The following EPS8L2 variants were observed in gnomAD, a reference collection of about 807,000 sequenced individuals.
EPS8L2 encodes the protein EPS8 signaling adaptor L2.
Under a neutral mutation model 99.4 loss-of-function variants are expected in EPS8L2, and 81 were observed. The observed-to-expected ratio is 0.82, with a 90% CI of 0.68 to 0.98. The LOEUF (loss-of-function observed/expected upper bound fraction) is 0.98, where lower values mean the gene tolerates loss of function less well. EPS8L2 is among the 50% of genes least tolerant of loss of function. The probability of loss-of-function intolerance (pLI) is 0.00; values close to 1 mark genes in which losing one functional copy is unlikely to be tolerated. For missense variants in EPS8L2, 1,155 were observed against 968.8 expected (o/e 1.19, Z -2.55); for synonymous variants, 509 against 407.3 (o/e 1.25, Z -3.01).
At position 722,473 on chromosome 11, in the gene EPS8L2, G is replaced by A. The variant is rs1564977750; in HGVS notation, c.1132G>A (p.Asp378Asn). Residue 378 changes from aspartate to asparagine, a missense_variant, in exon 13 of 21, where the codon GAC becomes AAC. Coordinates refer to ENST00000318562, the MANE Select transcript of EPS8L2 (RefSeq NM_022772.4). ...CCCACTGCTCTCCCGAGATGCCGTG[G>A]ACTTCCTGCGCGGCCACCTGGTCCC... Reference protein sequence around the residue: ...SCPLLSRDAVDFLRGHLVPKE... With the variant: ...SCPLLSRDAVNFLRGHLVPKE... The A allele has an allele frequency of 2.5e-6, 4 of 1,613,514 alleles. No individual in the cohort carries two copies. Among genetic ancestry groups the A allele is most frequent in the Non-Finnish European group, 2.5e-6 (3 of 1,179,928 alleles).
Position 724,877 on chromosome 11 carries a change from T to G in EPS8L2, c.1560+48T>G. 7.0e-7 allele frequency: 1 copy of G among 1,435,888 alleles called. No individual in the cohort carries two copies. Among genetic ancestry groups the G allele is most frequent in the Admixed American group, 1.7e-5 (1 of 58,722 alleles). 88.9% of individuals were successfully genotyped at this position (1,435,888 alleles called of 1,614,324 possible). The stretch of plus-strand genomic sequence containing the variant: ...CCAAGAGGGGGAAACAGGGCAGGGC[T>G]TCAAGGGAGGGGCTACCAGGGGAGG... On this transcript the variant is annotated intron_variant, in intron 16 of 20. Transcript: ENST00000318562. The surrounding 1 kb of genome is among the most constrained non-coding windows in gnomAD (Gnocchi z 5.5).
chr11:725,317 C>A (rs1862284652), intron 16 of EPS8L2, among the ~76,000 whole-genome samples: 1 of 152,218 alleles, frequency 6.6e-6, no homozygotes, highest in Non-Finnish European at 1.5e-5. Flanking sequence ...TCGAGACAAG[C>A]CTGGGCAACA....
chr11:726,025 T>A, intron 17 of EPS8L2, 73 bp from the exon 18 acceptor site: 1 of 1,005,484 alleles, frequency 9.9e-7, no homozygotes, highest in Non-Finnish European at 1.4e-6. Flanking sequence ...ATTGGCGGGG[T>A]GGGGAGGTCC....
Position 709,439 on chromosome 11 carries a change from C to T in EPS8L2, c.32C>T (p.Pro11Leu), listed in dbSNP as rs772212389. The T allele has an allele frequency of 1.1e-5, 17 of 1,597,118 alleles. No homozygotes were observed. In the East Asian group the frequency reaches 1.1e-4, roughly 11 times the overall value. Residue 11 changes from proline to leucine, a missense_variant, in exon 2 of 21, where the codon CCG (proline) becomes CTG (leucine). Pro to Leu is a moderately conservative substitution (Grantham distance 98). Coordinates refer to ENST00000318562, the MANE Select transcript of EPS8L2 (RefSeq NM_022772.4). ...CAGTCCGGGGCCGTGAGCTGCTGCC[C>T]GGGTGCCACCAAGTGAGCCCTCCCA... MSQSGAVSCC[P>L]GATNGSLGRS...
chr11:721,033 C>A, intron 7 of EPS8L2, 31 bp from the exon 8 acceptor site: 1 of 1,235,804 alleles, frequency 8.1e-7, no homozygotes, highest in South Asian at 1.7e-5. Flanking sequence ...GCGTTCCCGG[C>A]GGGGCTGAGC....
intron 18 of EPS8L2, 47 bp downstream of exon 18, chr11:726,217 T>C (rs760780543): frequency 6.5e-7 from 1 of 1,549,232 alleles, no homozygotes; most frequent in Admixed American, 1.9e-5. Context: ...CAGGGCCACC[T>C]GGGGGAGGAA....
At chr11:715,689 T>C (rs1182777458) in intron 4 of EPS8L2, among the ~76,000 whole-genome samples, 5 of 148,558 alleles carry the variant, frequency 3.4e-5, no homozygotes, top group East Asian at 4.0e-4. Context: ...GGCACGATCT[T>C]GATTCACTGC....
Position 724,503 on chromosome 11 carries a change from C to T in EPS8L2, c.1455-221C>T, listed in dbSNP as rs1007663571. The T allele has an allele frequency of 2.8e-5, 16 of 574,112 alleles. No homozygotes were observed. The Admixed American group carries it at 4.8e-4, about 17-fold the overall frequency. The allele number at this position is 574,112 out of a possible 1,614,324, so 35.6% of individuals were successfully genotyped here. On this transcript the variant is annotated intron_variant, in intron 15 of 20. Transcript: ENST00000318562. This position sits in a 1 kb window ranked among gnomAD's most constrained non-coding sequence, Gnocchi z 5.5. ...ACCACAGGCCCCTGCGCCACGCCCA[C>T]CTCCTGCCTGCCCCGCCTCCACGCA...
At position 725,857 on chromosome 11, in the gene EPS8L2, C is replaced by A; in HGVS notation, c.1680+10C>A. 1 of 1,369,976 alleles carries A rather than the reference C, an allele frequency of 7.3e-7. No homozygotes were observed. Among genetic ancestry groups the A allele is most frequent in the Non-Finnish European group, 9.4e-7 (1 of 1,067,788 alleles). The allele number at this position is 1,369,976 out of a possible 1,614,324, so 84.9% of individuals were successfully genotyped here. On this transcript the variant is annotated intron_variant, in intron 17 of 20. Coordinates refer to ENST00000318562, the MANE Select transcript of EPS8L2 (RefSeq NM_022772.4). ...CGCCCCGTTCGAGCAGGTGAGCCCG[C>A]GGGGGTCCCTGGGGTCGCAGCCCCC...
At chr11:721,257 G>C (rs1432959779) in intron 8 of EPS8L2, 28 bp from the exon 9 acceptor site, 1 of 1,538,380 alleles carries the variant, frequency 6.5e-7, no homozygotes, top group Admixed American at 2.0e-5. Flanking sequence ...TGGGGGGCTC[G>C]GTGAGCAGCC....
In EPS8L2 at chr11:721,103, G is replaced by T; in HGVS notation, c.597G>T (p.Leu199=). Reference sequence around the variant, plus strand: ...AGATTCGGCAGCGGCAGTCCATCCTGCCTCCTCCCCAGGGCCCGGCGCCCA... The same window carrying T: ...AGATTCGGCAGCGGCAGTCCATCCTTCCTCCTCCCCAGGGCCCGGCGCCCA... ...QEKIRQRQSI[L]PPPQGPAPIP... is the part of the protein sequence containing the mutation. Residue 199 remains leucine (L), a synonymous_variant, in exon 8 of 21, where the codon CTG becomes CTT. Transcript: ENST00000318562. The T allele has an allele frequency of 6.5e-7, 1 of 1,529,338 alleles. No homozygotes were observed. 94.7% of individuals were successfully genotyped at this position (1,529,338 alleles called of 1,614,324 possible). A position where few individuals can be genotyped will look rare whatever the true frequency, so the allele number is the denominator to read the frequency against.
intron 4 of EPS8L2, among the ~76,000 whole-genome samples, chr11:717,866 G>A (rs1048283236): frequency 3.1e-4 from 47 of 151,856 alleles, no homozygotes; most frequent in African/African-American, 1.1e-3. Flanking sequence ...AAAATTAGCC[G>A]GGCGTGGTGG....
intron 1 of EPS8L2, among the ~76,000 whole-genome samples, chr11:707,922 C>A (rs762949042): frequency 6.6e-6 from 1 of 152,164 alleles, no homozygotes; most frequent in Non-Finnish European, 1.5e-5. Flanking sequence ...CACTCAGGCT[C>A]GCCACTGAGC....
Position 724,929 on chromosome 11 carries a change from G to C in EPS8L2, c.1560+100G>C. ...GGGGAGCGGTCTAGGGCCAGGCTGG[G>C]TGATGCCAGGACGGGGCACAGCTGC... On this transcript the variant is annotated intron_variant, in intron 16 of 20. Transcript: ENST00000318562. The surrounding 1 kb of genome is among the most constrained non-coding windows in gnomAD (Gnocchi z 5.5). The C allele has an allele frequency of 2.3e-6, 2 of 859,570 alleles. No individual in the cohort carries two copies. The highest frequency in any genetic ancestry group is 2.9e-5 in the South Asian group (2 of 69,682). The allele number at this position is 859,570 out of a possible 1,614,324, so 53.2% of individuals were successfully genotyped here.
chr11:710,036 T>C (rs1861842998), intron 3 of EPS8L2: 1 of 343,412 alleles, frequency 2.9e-6, no homozygotes. Context: ...AGGTGCCTAG[T>C]CTGGAAAGCG....
intron 4 of EPS8L2, among the ~76,000 whole-genome samples, chr11:712,159 G>A (rs1174393590): frequency 6.6e-6 from 1 of 150,890 alleles, no homozygotes; most frequent in Non-Finnish European, 1.5e-5. Flanking sequence ...GGTGGTGGGA[G>A]CCTGTAGTCC....
At position 720,893 on chromosome 11, in the gene EPS8L2, C is replaced by T; in HGVS notation, c.541C>T (p.Arg181Trp). Residue 181 changes from arginine to tryptophan, a missense_variant, in exon 7 of 21, where the codon CGG becomes TGG. Transcript: ENST00000318562. ...CGACTGCCGGCTGGGCAAGAAGATG[C>T]GGCCGCAGACCCTGAAGTAGGGCAG... ...LADCRLGKKM[R>W]PQTLKGHQEK... 1.4e-6 allele frequency: 2 copies of T among 1,389,212 alleles called. No homozygotes were observed. Among genetic ancestry groups the T allele is most frequent in the Non-Finnish European group, 1.9e-6 (2 of 1,050,486 alleles). 86.1% of individuals were successfully genotyped at this position (1,389,212 alleles called of 1,614,324 possible). A position where few individuals can be genotyped will look rare whatever the true frequency, so the allele number is the denominator to read the frequency against.
chr11:721,567 A>C lies in EPS8L2; in HGVS notation c.771A>C (p.Gln257His), dbSNP rs758045701. ...VLAQKIEKET[Q>H]ILNCALDDIE... ...CCCCTGACCCCCTCTGACCCCAGCA[A>C]ATCCTCAACTGCGCCCTGGACGACA... Residue 257 changes from glutamine to histidine, a missense_variant and splice_region_variant, in exon 10 of 21, where the codon CAA (glutamine) becomes CAC (histidine). Physicochemically the swap from Gln to His is conservative, Grantham distance 24. Coordinates refer to ENST00000318562, the MANE Select transcript of EPS8L2 (RefSeq NM_022772.4). 2 of 1,556,770 alleles carry C rather than the reference A, an allele frequency of 1.3e-6. No homozygotes were observed. The highest frequency in any genetic ancestry group is 4.5e-5 in the East Asian group (2 of 44,260).
chr11:714,510 C>T (rs958507915), intron 4 of EPS8L2, among the ~76,000 whole-genome samples: 3 of 151,832 alleles, frequency 2.0e-5, no homozygotes, highest in East Asian at 1.9e-4. Flanking sequence ...GGATTACAGG[C>T]GTGAGCCGCC....
Sources: allele counts gnomAD v4.1 joint callset (sites outside exome capture counted in the v4.1 genomes callset), GRCh38; gene constraint gnomAD v4.1.1; non-coding constraint Gnocchi (gnomAD v3.1); transcripts MANE v1.5; gene names NCBI Gene and HGNC (gene_info 2026-07-23, HGNC 2026-07-21).